The following MN1 variants were observed in gnomAD, a reference collection of about 807,000 sequenced individuals.
MN1 encodes the protein MN1 proto-oncogene, transcriptional regulator, also known as transcriptional activator MN1.
In MN1, 19 loss-of-function variants were observed where a neutral mutation model predicts 86.9. The observed-to-expected ratio is 0.22, with a 90% CI of 0.15 to 0.32. The LOEUF (loss-of-function observed/expected upper bound fraction) is 0.32. Ranked by LOEUF, MN1 falls within the 10% of genes least tolerant of loss-of-function variation. The pLI, the probability that MN1 is intolerant of heterozygous loss-of-function variation, is 1.00. For missense variants in MN1, 1,841 were observed against 1,862.0 expected (o/e 0.99, Z 0.21); for synonymous variants, 928 against 849.6 (o/e 1.09, Z -1.60).
intron 1 of MN1, among the ~76,000 whole-genome samples, chr22:27,790,561 A>C (rs1222864978): frequency 6.6e-6 from 1 of 152,198 alleles, no homozygotes; most frequent in Non-Finnish European, 1.5e-5. Flanking sequence ...TGCAGGCAGG[A>C]CCATGACTAA....
Position 27,799,288 on chromosome 22 carries a change from A to T in MN1, c.1256T>A (p.Met419Lys), listed in dbSNP as rs1396583416. 2 of 1,587,740 alleles carry T rather than the reference A, an allele frequency of 1.3e-6. No homozygotes were observed. The highest frequency in any genetic ancestry group is 2.3e-5 in the South Asian group (2 of 88,214). The change falls in exon 1 of 2, where the codon ATG becomes AAG. Residue 419 changes from methionine (M) to lysine (K), a missense_variant. Met to Lys is a moderately conservative substitution (Grantham distance 95, BLOSUM62 -1). Coordinates refer to ENST00000302326, the MANE Select transcript of MN1 (RefSeq NM_002430.3). Reference protein sequence around the residue: ...YPIHRLENRSMHPYSEPVFSM... With the variant: ...YPIHRLENRSKHPYSEPVFSM... ...GAAAACAGGCTCGGAATAAGGGTGC[A>T]TGCTCCGGTTCTCCAGCCGGTGGAT...
rs779314581 is a variant in MN1, at chr22:27,797,604, T to C, written c.2940A>G (p.Gln980=). The change falls in exon 1 of 2, where the codon CAA becomes CAG. Residue 980 remains glutamine, a synonymous_variant. Coordinates refer to ENST00000302326, the MANE Select transcript of MN1 (RefSeq NM_002430.3). ...TTCCCCCGACGGCTGCGCCTGACGC[T>C]TGCTGCTGCCCTGGGCTCACCCCAG... ...GAPGVSPGQQ[Q]ASGAAVGGSS... The C allele has an allele frequency of 1.3e-6, 2 of 1,594,296 alleles. No homozygotes were observed. The highest frequency in any genetic ancestry group is 1.7e-6 in the Non-Finnish European group (2 of 1,169,792).
At chr22:27,773,913 C>T (rs1932943409) in intron 1 of MN1, among the ~76,000 whole-genome samples, 1 of 152,202 alleles carries the variant, frequency 6.6e-6, no homozygotes, top group South Asian at 2.1e-4. Context: ...CCTTGCCTCC[C>T]AAAGTGTTGG....
At chr22:27,782,883 T>G (rs1933072674) in intron 1 of MN1, among the ~76,000 whole-genome samples, 1 of 152,180 alleles carries the variant, frequency 6.6e-6, no homozygotes, top group Non-Finnish European at 1.5e-5. Flanking sequence ...CACACTTTTT[T>G]TTTCCTCTTG....
chr22:27,790,405 G>T (rs1010774102), intron 1 of MN1, among the ~76,000 whole-genome samples: 1 of 152,130 alleles, frequency 6.6e-6, no homozygotes, highest in Non-Finnish European at 1.5e-5. Context: ...GGCCACCTTC[G>T]TGCGGGGTGA....
intron 1 of MN1, among the ~76,000 whole-genome samples, chr22:27,791,040 C>T (rs2146311982): frequency 6.6e-6 from 1 of 152,220 alleles, no homozygotes; most frequent in East Asian, 1.9e-4. Flanking sequence ...TAAGGGTAAA[C>T]TGGAGGAGTG....
At chr22:27,763,639 C>A (rs1348096183) in intron 1 of MN1, among the ~76,000 whole-genome samples, 1 of 152,196 alleles carries the variant, frequency 6.6e-6, no homozygotes, top group African/African-American at 2.4e-5. Context: ...CCTAGGGCAG[C>A]CTAGAGGAAG....
In MN1 at chr22:27,799,728, G is replaced by T; in HGVS notation, c.816C>A (p.Gly272=). 1 of 1,576,414 alleles carries T rather than the reference G, an allele frequency of 6.3e-7. No homozygotes were observed. Among genetic ancestry groups the T allele is most frequent in the Middle Eastern group, 1.8e-4 (1 of 5,448 alleles). ...CCGCAGCTCTGGGCATGGCCGAGGC[G>T]CCCGGGAAAGCGCCCCCAGGAACCT... is the stretch of plus-strand genomic sequence containing the variant. The part of the protein sequence containing the change: ...GRQVPGGAFP[G]ASAMPRAAGM... Residue 272 remains glycine, a synonymous_variant, in exon 1 of 2, where the codon GGC becomes GGA. Transcript: ENST00000302326.
intron 1 of MN1, among the ~76,000 whole-genome samples, chr22:27,794,216 C>T (rs1025671913): frequency 3.9e-5 from 6 of 152,128 alleles, no homozygotes; most frequent in East Asian, 1.9e-4. Flanking sequence ...ATTTATACAA[C>T]GTGTGCAGAT....
rs1280108761 is a variant in MN1 at position 27,801,720 on chromosome 22, T to G, written c.-1177A>C. ...CCGAGGGTCTCGGCTCCCCTCTCTG[T>G]GTCTGCCTCTCGCCCAGCGCCGGGA... is the stretch of plus-strand genomic sequence containing the variant. On this transcript the variant is annotated 5_prime_UTR_variant, in exon 1 of 2. Coordinates refer to ENST00000302326, the MANE Select transcript of MN1 (RefSeq NM_002430.3). Among the ~76,000 whole-genome samples, 1 of 152,186 alleles carries G rather than the reference T, an allele frequency of 6.6e-6. No homozygotes were observed. Among genetic ancestry groups the G allele is most frequent in the Non-Finnish European group, 1.5e-5 (1 of 68,026 alleles).
intron 1 of MN1, among the ~76,000 whole-genome samples, chr22:27,775,472 G>A (rs1932965950): frequency 6.6e-6 from 1 of 152,138 alleles, no homozygotes; most frequent in African/African-American, 2.4e-5. Flanking sequence ...TTCCCCATCT[G>A]TAAATGGGGC....
intron 1 of MN1, among the ~76,000 whole-genome samples, chr22:27,761,326 A>C (rs1601324741): frequency 2.9e-5 from 4 of 138,986 alleles, no homozygotes; most frequent in African/African-American, 5.5e-5. Context: ...CTGCCCCTCC[A>C]TCCGTATCTC....
Position 27,800,657 on chromosome 22 carries a change from C to T in MN1, c.-114G>A, listed in dbSNP as rs1170172088. 6.0e-6 allele frequency: 9 copies of T among 1,499,278 alleles called. No homozygotes were observed. The highest frequency in any genetic ancestry group is 1.2e-5 in the South Asian group (1 of 81,048). 92.9% of individuals were successfully genotyped at this position (1,499,278 alleles called of 1,614,324 possible). A position where few individuals can be genotyped will look rare whatever the true frequency, so the allele number is the denominator to read the frequency against. ...ATTGGGCGCTCCGGGACGCTCAGCA[C>T]CGCGGGGGCTCAGCGCGCACCTCCA... On this transcript the variant is annotated 5_prime_UTR_variant, in exon 1 of 2. The change creates a new upstream start codon in the 5' untranslated region. Coordinates refer to ENST00000302326, the MANE Select transcript of MN1 (RefSeq NM_002430.3).
intron 1 of MN1, among the ~76,000 whole-genome samples, chr22:27,783,230 G>A (rs1189236615): frequency 6.6e-6 from 1 of 151,566 alleles, no homozygotes; most frequent in Non-Finnish European, 1.5e-5. Flanking sequence ...CACCTCCAGA[G>A]TTCAAGCAAT....
chr22:27,771,296 A>G (rs1229231585), intron 1 of MN1, among the ~76,000 whole-genome samples: 3 of 138,652 alleles, frequency 2.2e-5, no homozygotes, highest in Non-Finnish European at 4.5e-5. Context: ...TGGCATGATC[A>G]TAGCTCATGC....
intron 1 of MN1, among the ~76,000 whole-genome samples, chr22:27,761,312 CTTT>C (rs1232706488): frequency 6.6e-6 from 1 of 151,762 alleles, no homozygotes; most frequent in Admixed American, 6.6e-5. Context: ...TATTCTTCCT[CTTT>C]CTGCCCCTCC....
rs557491834 is a variant in MN1, at chr22:27,784,323, C to A, written c.3781+12440G>T. On this transcript the variant is annotated intron_variant, in intron 1 of 1. Coordinates refer to ENST00000302326, the MANE Select transcript of MN1 (RefSeq NM_002430.3). The stretch of plus-strand genomic sequence containing the variant: ...TGTTTGTTGAAACCGCCAAACACCC[C>A]CATATCCACCCAAAATGTGGGCAAA... Among the ~76,000 whole-genome samples the A allele has an allele frequency of 7.2e-4, 110 of 152,316 alleles. 1 individual carries two copies. In the South Asian group the frequency reaches 0.021, roughly 29 times the overall value.
intron 1 of MN1, among the ~76,000 whole-genome samples, chr22:27,790,524 G>C (rs907375427): frequency 6.6e-6 from 1 of 152,220 alleles, no homozygotes; most frequent in Non-Finnish European, 1.5e-5. Flanking sequence ...TGGCTGAGCT[G>C]TTCTGCATCA....
chr22:27,781,150 C>T (rs1028821883), intron 1 of MN1, among the ~76,000 whole-genome samples: 6 of 152,242 alleles, frequency 3.9e-5, no homozygotes, highest in Admixed American at 2.6e-4. Context: ...AGGCTGGTCT[C>T]GAACTCCTGG....
Sources: gnomAD v4.1 joint callset for allele counts (sites outside exome capture counted in the v4.1 genomes callset) on GRCh38, gnomAD v4.1.1 for gene constraint, MANE v1.5 for transcripts, NCBI Gene and HGNC (gene_info 2026-07-23, HGNC 2026-07-21) for gene names.